BMP6: variants seen among roughly 807,000 people sequenced by gnomAD.
BMP6 encodes the protein VG-1-R.
In BMP6, 17 loss-of-function variants were observed where a neutral mutation model predicts 54.1. The ratio of observed to expected loss-of-function variants is 0.31; its 90% CI spans 0.22 to 0.47. The LOEUF is 0.47. Ranked by LOEUF, BMP6 falls within the 20% of genes least tolerant of loss-of-function variation. BMP6 has a pLI of 1.00. For synonymous variants in BMP6, 328 were observed against 291.2 expected (o/e 1.13, Z -1.28); for missense variants, 720 against 690.4 (o/e 1.04, Z -0.48).
intron 1 of BMP6, among the ~76,000 whole-genome samples, chr6:7,795,568 T>C (rs1344369638): frequency 6.6e-6 from 1 of 152,080 alleles, no homozygotes; most frequent in Non-Finnish European, 1.5e-5. Flanking sequence ...TGACAAGCCA[T>C]TGAGGGAGTT....
At chr6:7,829,306 C>T (rs755557118) in intron 1 of BMP6, among the ~76,000 whole-genome samples, 45 of 152,128 alleles carry the variant, frequency 3.0e-4, no homozygotes, top group Non-Finnish European at 4.3e-4. Context: ...TTCCCTACCT[C>T]CCTCCAGAAA....
At chr6:7,868,986 G>A (rs28590073) in intron 4 of BMP6, among the ~76,000 whole-genome samples, 3,463 of 151,888 alleles carry the variant, frequency 0.023, 129 homozygotes, top group African/African-American at 0.076. Flanking sequence ...CCTTTGTTTC[G>A]CTGTCCTCCT....
Position 7,772,072 on chromosome 6 carries a change from CA to C in BMP6, c.664+44462del, listed in dbSNP as rs911048497. On this transcript the variant is annotated intron_variant, in intron 1 of 6. Coordinates refer to ENST00000283147, the MANE Select transcript of BMP6 (RefSeq NM_001718.6). ...GCCTCAAAAAAAAAAACCAAAAAAA[CA>C]AAAAAAAACAAACCCAAAAAAACCC... Among the ~76,000 whole-genome samples, 182 of 148,216 alleles carry C rather than the reference CA, an allele frequency of 1.2e-3. 1 individual carries two copies. The highest frequency in any genetic ancestry group is 6.9e-3 in the South Asian group (32 of 4,638).
intron 1 of BMP6, among the ~76,000 whole-genome samples, chr6:7,827,037 A>G (rs1758707795): frequency 6.6e-6 from 1 of 152,154 alleles, no homozygotes. Flanking sequence ...CTGGAAACCA[A>G]TGCAGCTCTC....
intron 1 of BMP6, among the ~76,000 whole-genome samples, chr6:7,810,686 C>A (rs913285930): frequency 3.3e-5 from 5 of 152,170 alleles, no homozygotes; most frequent in African/African-American, 4.8e-5. Flanking sequence ...TTGAGTCATT[C>A]ACTATACTTA....
At chr6:7,815,004 T>C (rs1758504982) in intron 1 of BMP6, among the ~76,000 whole-genome samples, 1 of 152,212 alleles carries the variant, frequency 6.6e-6, no homozygotes, top group Non-Finnish European at 1.5e-5. Context: ...TTTCTCTGTT[T>C]AGAGGATAAA....
At chr6:7,758,818 G>T (rs1199891164) in intron 1 of BMP6, among the ~76,000 whole-genome samples, 1 of 152,086 alleles carries the variant, frequency 6.6e-6, no homozygotes, top group Non-Finnish European at 1.5e-5. Flanking sequence ...ATGCTCACAC[G>T]CACATGAGGT....
At chr6:7,763,692 T>G (rs2113144887) in intron 1 of BMP6, among the ~76,000 whole-genome samples, 1 of 152,044 alleles carries the variant, frequency 6.6e-6, no homozygotes, top group East Asian at 1.9e-4. Flanking sequence ...CTCTGAGAAG[T>G]GGGGACACTG....
At position 7,757,009 on chromosome 6, in the gene BMP6, G is replaced by T. The variant is rs115945042; in HGVS notation, c.664+29390G>T. ...AGACCCCTCTGTAGATCTTTGGAGCGCTCTCTCTATGTAGCACTCTCTTTT... is the reference window on the plus strand; with the variant it reads ...AGACCCCTCTGTAGATCTTTGGAGCTCTCTCTCTATGTAGCACTCTCTTTT... On this transcript the variant is annotated intron_variant, in intron 1 of 6. Coordinates refer to ENST00000283147, the MANE Select transcript of BMP6 (RefSeq NM_001718.6). 4.0e-3 allele frequency among the ~76,000 whole-genome samples: 601 copies of T among 152,148 alleles called. 5 individuals are homozygous for T. Among genetic ancestry groups the T allele is most frequent in the African/African-American group, 0.014 (573 of 41,486 alleles).
chr6:7,742,330 G>A (rs1381030296), intron 1 of BMP6, among the ~76,000 whole-genome samples: 3 of 152,184 alleles, frequency 2.0e-5, no homozygotes, highest in East Asian at 1.9e-4. Flanking sequence ...TTTCCTGGTT[G>A]TGCCAGGCAG....
At position 7,784,457 on chromosome 6, in the gene BMP6, G is replaced by A. The variant is rs146255246; in HGVS notation, c.664+56838G>A. Among the ~76,000 whole-genome samples the A allele has an allele frequency of 5.7e-3, 862 of 152,126 alleles. 6 individuals carry two copies. Among genetic ancestry groups the A allele is most frequent in the African/African-American group, 0.02 (821 of 41,424 alleles). On this transcript the variant is annotated intron_variant, in intron 1 of 6. Coordinates refer to ENST00000283147, the MANE Select transcript of BMP6 (RefSeq NM_001718.6). Reference sequence around the variant, plus strand: ...CGTCTGAGTGTGTGTAGGCATCTGAGTGTGTGTTCGGATCACGTGATAGTA... The same window carrying A: ...CGTCTGAGTGTGTGTAGGCATCTGAATGTGTGTTCGGATCACGTGATAGTA...
chr6:7,798,695 C>A (rs915069604), intron 1 of BMP6, among the ~76,000 whole-genome samples: 1 of 152,190 alleles, frequency 6.6e-6, no homozygotes, highest in East Asian at 1.9e-4. Context: ...GCTTTGGTTG[C>A]AGGAACAAGG....
intron 2 of BMP6, among the ~76,000 whole-genome samples, chr6:7,849,490 T>TCTGA (rs1759111906): frequency 6.6e-6 from 1 of 152,234 alleles, no homozygotes; most frequent in African/African-American, 2.4e-5. Context: ...CTGAATGACT[T>TCTGA]CTGACCTTTC....
At chr6:7,766,968 A>T (rs201963451) in intron 1 of BMP6, among the ~76,000 whole-genome samples, 17,110 of 139,092 alleles carry the variant, frequency 0.12, 1,153 homozygotes, top group East Asian at 0.29. Flanking sequence ...TTATTTATTT[A>T]TTTTTTTAAA....
chr6:7,759,808 G>A (rs1369467858), intron 1 of BMP6, among the ~76,000 whole-genome samples: 5 of 137,792 alleles, frequency 3.6e-5, no homozygotes, highest in Admixed American at 8.2e-5. Context: ...GGTTCAAGCA[G>A]TTCTCCTGCC....
chr6:7,880,978 C>T lies in BMP6; in HGVS notation c.*635C>T, dbSNP rs1484565442. On this transcript the variant is annotated 3_prime_UTR_variant, in exon 7 of 7. Transcript: ENST00000283147. Reference sequence around the variant, plus strand: ...GCCAAAACATACCATTTCTACACCTCAATCCTCCATTTGCTGTACTCTTTG... The same window carrying T: ...GCCAAAACATACCATTTCTACACCTTAATCCTCCATTTGCTGTACTCTTTG... 1 of 154,226 alleles carries T rather than the reference C, an allele frequency of 6.5e-6. No homozygotes were observed. Among genetic ancestry groups the T allele is most frequent in the Admixed American group, 6.3e-5 (1 of 15,770 alleles). The allele number at this position is 154,226 out of a possible 1,614,324, so 9.6% of individuals were successfully genotyped here.
intron 1 of BMP6, among the ~76,000 whole-genome samples, chr6:7,808,195 C>T (rs1037119317): frequency 1.3e-5 from 2 of 152,126 alleles, no homozygotes; most frequent in Admixed American, 1.3e-4. Context: ...GCTGGGATTA[C>T]AGGCGTGAGC....
intron 2 of BMP6, among the ~76,000 whole-genome samples, chr6:7,856,614 T>G (rs866746793): frequency 1.5e-4 from 14 of 95,158 alleles, no homozygotes; most frequent in African/African-American, 5.4e-4. Context: ...TTTTTTTTTT[T>G]GAGACGGAGT....
At chr6:7,798,203 A>G (rs555934401) in intron 1 of BMP6, among the ~76,000 whole-genome samples, 1 of 152,338 alleles carries the variant, frequency 6.6e-6, no homozygotes, top group Admixed American at 6.5e-5. Context: ...TGTAGAGTCC[A>G]TTAGGCTTCT....
Sources: allele counts gnomAD v4.1 joint callset (sites outside exome capture counted in the v4.1 genomes callset), GRCh38; gene constraint gnomAD v4.1.1; transcripts MANE v1.5; gene names NCBI Gene and HGNC (gene_info 2026-07-23, HGNC 2026-07-21).